RABGAP1L: variants seen among roughly 807,000 people sequenced by gnomAD.
RABGAP1L encodes rab GTPase-activating protein 1-like.
RABGAP1L carries 63 observed loss-of-function variants against 137.7 expected under a neutral mutation model. That is an observed-to-expected ratio of 0.46 (90% CI 0.37 to 0.56). RABGAP1L has a LOEUF of 0.56. Ranked by LOEUF, RABGAP1L falls within the 20% of genes least tolerant of loss-of-function variation. The probability of loss-of-function intolerance (pLI) is 0.00; values close to 1 mark genes in which losing one functional copy is unlikely to be tolerated. For synonymous variants in RABGAP1L, 431 were observed against 433.7 expected (o/e 0.99, Z 0.08); for missense variants, 1,095 against 1,244.0 (o/e 0.88, Z 1.80).
chr1:174,820,929 A>G (rs1316448633), intron 19 of RABGAP1L, among the ~76,000 whole-genome samples: 1 of 151,188 alleles, frequency 6.6e-6, no homozygotes, highest in Non-Finnish European at 1.5e-5. Context: ...AGGCGTGGGA[A>G]TTGCTGGAGT....
At chr1:174,484,386 A>G (rs1659428187) in intron 13 of RABGAP1L, among the ~76,000 whole-genome samples, 1 of 152,050 alleles carries the variant, frequency 6.6e-6, no homozygotes, top group South Asian at 2.1e-4. Flanking sequence ...TTCCTTTGCT[A>G]TGCAGAAGAT....
chr1:174,225,217 A>C (rs1011862273), intron 3 of RABGAP1L, among the ~76,000 whole-genome samples: 11 of 150,260 alleles, frequency 7.3e-5, no homozygotes, highest in African/African-American at 2.4e-4. Flanking sequence ...AATTTTAGAT[A>C]TTGTATTTTT....
At chr1:174,832,996 G>A (rs1692277341) in intron 19 of RABGAP1L, among the ~76,000 whole-genome samples, 1 of 152,148 alleles carries the variant, frequency 6.6e-6, no homozygotes, top group South Asian at 2.1e-4. Context: ...GGCCTAGAAT[G>A]TGTAAGTCCC....
At position 174,195,763 on chromosome 1, in the gene RABGAP1L, C is replaced by CT. The variant is rs1362541001; in HGVS notation, c.-33-23359dup. Among the ~76,000 whole-genome samples the CT allele has an allele frequency of 1.7e-3, 223 of 128,872 alleles. 1 individual carries two copies. The highest frequency in any genetic ancestry group is 6.5e-3 in the African/African-American group (215 of 33,052). The allele number at this position is 128,872 out of a possible 152,430, so 84.5% of individuals were successfully genotyped here. On this transcript the variant is annotated intron_variant, in intron 1 of 25. Coordinates refer to ENST00000681986, the MANE Select transcript of RABGAP1L (RefSeq NM_001366446.1). ...TCTTTCTTTCTTTCTCTCTTTCTCT[C>CT]TTTCTCTCTTTCCTTTCTTTCTTTT...
chr1:174,683,432 C>A, intron 14 of RABGAP1L, 90 bp from the exon 15 acceptor site: 2 of 1,009,056 alleles, frequency 2.0e-6, no homozygotes, highest in Non-Finnish European at 3.0e-6. Flanking sequence ...AGCCCAGGGA[C>A]AGGAACAAGC....
rs528594441 is a variant in RABGAP1L, at chr1:174,268,454, C to T, written c.987-3960C>T. On this transcript the variant is annotated intron_variant, in intron 7 of 25. Transcript: ENST00000681986. ...TCCTGACCTTGTGATCTGCCCACCT[C>T]GGCCTCCCAAAGTGTTGGGATTACA... is the stretch of plus-strand genomic sequence containing the variant. 7.2e-5 allele frequency among the ~76,000 whole-genome samples: 11 copies of T among 152,136 alleles called. No homozygotes were observed. In the East Asian group the frequency reaches 1.2e-3, roughly 16 times the overall value.
At chr1:174,604,329 G>C (rs1670626448) in intron 13 of RABGAP1L, among the ~76,000 whole-genome samples, 1 of 152,166 alleles carries the variant, frequency 6.6e-6, no homozygotes, top group African/African-American at 2.4e-5. Context: ...AGATAGCACT[G>C]AGTTCCAAAG....
intron 19 of RABGAP1L, among the ~76,000 whole-genome samples, chr1:174,815,690 G>T (rs887149038): frequency 3.9e-5 from 6 of 152,158 alleles, no homozygotes; most frequent in African/African-American, 1.4e-4. Flanking sequence ...TGTTAATAAA[G>T]CACATTAGAT....
At chr1:174,228,003 A>G (rs188279178) in intron 3 of RABGAP1L, among the ~76,000 whole-genome samples, 46 of 152,212 alleles carry the variant, frequency 3.0e-4, no homozygotes, top group African/African-American at 1.1e-3. Flanking sequence ...CTCTTCTGCA[A>G]TTTAGAAACT....
At chr1:174,919,316 C>T (rs2149221858) in intron 19 of RABGAP1L, among the ~76,000 whole-genome samples, 1 of 152,276 alleles carries the variant, frequency 6.6e-6, no homozygotes, top group South Asian at 2.1e-4. Flanking sequence ...CTGCGCCTGG[C>T]CAATCCGTGG....
At chr1:174,422,908 C>T (rs527730402) in intron 13 of RABGAP1L, among the ~76,000 whole-genome samples, 1 of 139,110 alleles carries the variant, frequency 7.2e-6, no homozygotes, top group Admixed American at 7.7e-5. Flanking sequence ...GATCATGCCA[C>T]TGCACTTTAG....
intron 7 of RABGAP1L, among the ~76,000 whole-genome samples, chr1:174,262,816 A>T (rs1673706756): frequency 6.6e-6 from 1 of 152,226 alleles, no homozygotes; most frequent in Non-Finnish European, 1.5e-5. Flanking sequence ...GCATTAATGG[A>T]GCTTTAAACA....
At chr1:174,350,249 C>T in intron 11 of RABGAP1L, among the ~76,000 whole-genome samples, 1 of 134,814 alleles carries the variant, frequency 7.4e-6, no homozygotes, top group African/African-American at 2.8e-5. Flanking sequence ...TCCTCACTTC[C>T]CAGATGGGGT....
intron 13 of RABGAP1L, among the ~76,000 whole-genome samples, chr1:174,573,045 C>G (rs2148055916): frequency 6.6e-6 from 1 of 151,644 alleles, no homozygotes; most frequent in East Asian, 1.9e-4. Context: ...GTAGAAAAGG[C>G]AGAACCTCTT....
intron 12 of RABGAP1L, among the ~76,000 whole-genome samples, chr1:174,382,309 T>C (rs1686227304): frequency 1.3e-4 from 1 of 7,484 alleles, no homozygotes. Flanking sequence ...TGGCGTTCTC[T>C]GTATTTCCTG....
rs752146297 is a variant in RABGAP1L at position 174,551,025 on chromosome 1, TAC to T, written c.1711-86338_1711-86337del. ...ATATATATATATATATATATATACA[TAC>T]ACACACACACATATATATATACACA... On this transcript the variant is annotated intron_variant, in intron 13 of 25. Coordinates refer to ENST00000681986, the MANE Select transcript of RABGAP1L (RefSeq NM_001366446.1). Among the ~76,000 whole-genome samples, 433 of 117,810 alleles carry T rather than the reference TAC, an allele frequency of 3.7e-3. 3 individuals are homozygous for T. Among genetic ancestry groups the T allele is most frequent in the Non-Finnish European group, 5.6e-3 (333 of 59,364 alleles). The allele number at this position is 117,810 out of a possible 152,430, so 77.3% of individuals were successfully genotyped here.
Position 174,863,236 on chromosome 1 carries a change from A to AAAAAAAG in RABGAP1L, c.2340+51282_2340+51283insGAAAAAA, listed in dbSNP as rs1173658826. 1.4e-4 allele frequency among the ~76,000 whole-genome samples: 16 copies of AAAAAAAG among 118,186 alleles called. 1 individual carries two copies. In the East Asian group the frequency reaches 2.4e-3, roughly 18 times the overall value. 77.5% of individuals were successfully genotyped at this position (118,186 alleles called of 152,430 possible). ...TTTGTACATGAGTTGTTTGTAGCAA[A>AAAAAAAG]AAAAAAAAAAAAGAAAAACAGTATA... On this transcript the variant is annotated intron_variant, in intron 19 of 25. Transcript: ENST00000681986.
chr1:174,437,166 C>T (rs1653464430), intron 13 of RABGAP1L, among the ~76,000 whole-genome samples: 1 of 152,208 alleles, frequency 6.6e-6, no homozygotes, highest in African/African-American at 2.4e-5. Flanking sequence ...GAGTGCCTCT[C>T]CTCCTCCAAA....
intron 1 of RABGAP1L, among the ~76,000 whole-genome samples, chr1:174,177,193 T>A (rs1043807459): frequency 6.6e-6 from 1 of 152,246 alleles, no homozygotes; most frequent in Non-Finnish European, 1.5e-5. Context: ...TGAGATGGTA[T>A]CTCATTTTGG....
Sources: allele counts gnomAD v4.1 joint callset (sites outside exome capture counted in the v4.1 genomes callset), GRCh38; gene constraint gnomAD v4.1.1; transcripts MANE v1.5; gene names NCBI Gene and HGNC (gene_info 2026-07-23, HGNC 2026-07-21).